The following WDR62 variants were observed in gnomAD, a reference collection of about 807,000 sequenced individuals.
The protein encoded by WDR62 is WD repeat domain 62, also known as WD repeat-containing protein 62.
A neutral mutation model predicts 160.6 loss-of-function variants in WDR62; 112 were observed. The ratio of observed to expected loss-of-function variants is 0.70; its 90% CI spans 0.60 to 0.82. The LOEUF (loss-of-function observed/expected upper bound fraction) is 0.82, where lower values mean the gene tolerates loss of function less well. WDR62 is among the 40% of genes least tolerant of loss of function. WDR62 has a pLI of 0.00. For missense variants in WDR62, 1,819 were observed against 1,983.8 expected (o/e 0.92, Z 1.58); for synonymous variants, 792 against 815.1 (o/e 0.97, Z 0.48).
intron 7 of WDR62, among the ~76,000 whole-genome samples, chr19:36,068,417 CA>C (rs1307338922): frequency 1.3e-5 from 2 of 151,888 alleles, no homozygotes; most frequent in African/African-American, 2.4e-5. Context: ...GGGGGTTTGG[CA>C]GGGTCTTAGG....
chr19:36,085,748 T>C (rs1972187532), intron 12 of WDR62, among the ~76,000 whole-genome samples: 1 of 152,078 alleles, frequency 6.6e-6, no homozygotes, highest in African/African-American at 2.4e-5. Flanking sequence ...GATGAGATCA[T>C]GAGATAGGAG....
In WDR62 at chr19:36,055,291, G is replaced by C. The variant is rs1970299962; in HGVS notation, c.177+143G>C. On this transcript the variant is annotated intron_variant, in intron 1 of 31. Coordinates refer to ENST00000401500, the MANE Select transcript of WDR62 (RefSeq NM_001083961.2). ...TGCCATGCCTCGTCCCCTAACCCCC[G>C]CCCCTTTAGCCACGGCCCCTCCCAC... The C allele has an allele frequency of 3.7e-6, 3 of 804,678 alleles. No homozygotes were observed. The Admixed American group carries it at 7.4e-5, about 20-fold the overall frequency. 49.8% of individuals were successfully genotyped at this position (804,678 alleles called of 1,614,324 possible). A position where few individuals can be genotyped will look rare whatever the true frequency, so the allele number is the denominator to read the frequency against.
chr19:36,064,655 G>A (rs1046440922), intron 3 of WDR62, among the ~76,000 whole-genome samples: 1 of 151,942 alleles, frequency 6.6e-6, no homozygotes, highest in Non-Finnish European at 1.5e-5. Context: ...TTGGCTTGCT[G>A]CAACCTCTGC....
intron 20 of WDR62, 127 bp from the exon 21 acceptor site, chr19:36,096,900 C>T (rs1016599770): frequency 4.1e-5 from 34 of 820,230 alleles, no homozygotes; most frequent in Non-Finnish European, 6.9e-5. Context: ...ATTTCCCTAA[C>T]CCCCGGTGCT....
intron 20 of WDR62, among the ~76,000 whole-genome samples, chr19:36,096,480 C>T (rs535465461): frequency 7.2e-5 from 11 of 151,980 alleles, no homozygotes; most frequent in East Asian, 3.9e-4. Context: ...CCGAGGCGAG[C>T]GGATCACGAG....
intron 3 of WDR62, among the ~76,000 whole-genome samples, chr19:36,065,365 G>C (rs1437344325): frequency 6.6e-6 from 1 of 152,252 alleles, no homozygotes; most frequent in Non-Finnish European, 1.5e-5. Flanking sequence ...GATTAAAAGA[G>C]AGAAGGGAGT....
At position 36,066,013 on chromosome 19, in the gene WDR62, G is replaced by A. The variant is rs1970916945; in HGVS notation, c.388G>A (p.Glu130Lys). The part of the protein sequence containing the change: ...SPDGKYIVTG[E>K]NGHRPAVRIW... ...TGATGGGAAGTACATAGTGACAGGGGAGGTGAGTCGTGATCGTGACTGAGT... is the reference window on the plus strand; with the variant it reads ...TGATGGGAAGTACATAGTGACAGGGAAGGTGAGTCGTGATCGTGACTGAGT... Residue 130 changes from glutamate to lysine, a missense_variant and splice_region_variant, in exon 4 of 32, where the codon GAG becomes AAG. Physicochemically the swap from Glu to Lys is moderately conservative, Grantham distance 56 (BLOSUM62 1). Around this residue, in one of 3 missense-constraint regions of WDR62, gnomAD observed 934 missense variants for 1,157.2 expected, o/e 0.81. Coordinates refer to ENST00000401500, the MANE Select transcript of WDR62 (RefSeq NM_001083961.2). The A allele has an allele frequency of 1.2e-6, 2 of 1,614,166 alleles. No individual in the cohort carries two copies. The highest frequency in any genetic ancestry group is 1.3e-5 in the African/African-American group (1 of 75,072).
At chr19:36,058,952 T>C (rs2145518606) in intron 2 of WDR62, 81 bp downstream of exon 2, 1 of 1,179,156 alleles carries the variant, frequency 8.5e-7, no homozygotes, top group Non-Finnish European at 1.2e-6. Flanking sequence ...TAAATCGCTC[T>C]GAGCCTCATA....
rs1251988146 is a variant in WDR62, at chr19:36,102,120, C to A, written c.3189C>A (p.His1063Gln). 2 of 1,614,150 alleles carry A rather than the reference C, an allele frequency of 1.2e-6. No individual in the cohort carries two copies. Among genetic ancestry groups the A allele is most frequent in the Admixed American group, 3.3e-5 (2 of 60,032 alleles). Residue 1063 changes from histidine to glutamine, a missense_variant, in exon 26 of 32, where the codon CAC becomes CAA. His to Gln is a conservative substitution (Grantham distance 24, BLOSUM62 0). Around this residue, in one of 3 missense-constraint regions of WDR62, gnomAD observed 770 missense variants for 734.2 expected, o/e 1.05. Transcript: ENST00000401500. ...TPEQEKFLRH[H>Q]FETLTESPCR... The stretch of plus-strand genomic sequence containing the variant: ...AGCAGGAGAAGTTCCTCCGCCACCA[C>A]TTTGAGACACTGACTGAGTCCCCCT...
intron 21 of WDR62, among the ~76,000 whole-genome samples, chr19:36,098,778 A>G (rs796206938): frequency 9.7e-4 from 148 of 152,296 alleles, no homozygotes; most frequent in African/African-American, 3.5e-3. Context: ...AATGTAGAGC[A>G]GTCACATGTG....
chr19:36,099,416 G>A lies in WDR62; in HGVS notation c.2538G>A (p.Val846=), dbSNP rs776090699. Residue 846 remains valine (V), a synonymous_variant, in exon 22 of 32, where the codon GTG becomes GTA. Transcript: ENST00000401500. ...CCTTCAAGCTAGGGGACGATGATGT[G>A]GCAGATGGCTTGGCCTTCCACGCCA... The part of the protein sequence containing the change: ...WAKRLLGDDD[V]ADGLAFHAKR... 3 of 1,613,500 alleles carry A rather than the reference G, an allele frequency of 1.9e-6. No individual in the cohort carries two copies. Among genetic ancestry groups the A allele is most frequent in the Admixed American group, 1.7e-5 (1 of 60,002 alleles).
chr19:36,062,384 C>T (rs180970549), intron 3 of WDR62: 8 of 152,140 alleles, frequency 5.3e-5, no homozygotes, highest in South Asian at 2.1e-4. Flanking sequence ...TGGTGATTCA[C>T]GCCTGTAATC....
At chr19:36,070,100 CT>C (rs1023544916) in intron 7 of WDR62, 45 of 151,314 alleles carry the variant, frequency 3.0e-4, no homozygotes, top group African/African-American at 9.7e-4. Context: ...GATTTAATAA[CT>C]TTTCAGTCAA....
At position 36,103,822 on chromosome 19, in the gene WDR62, G is replaced by C. The variant is rs1280568799; in HGVS notation, c.3994G>C (p.Val1332Leu). Residue 1332 changes from valine to leucine, a missense_variant, in exon 30 of 32, where the codon GTG becomes CTG. Transcript: ENST00000401500. ...AGTGAGCTTCCCAGCCCCTAGCCCT[G>C]TGGAAGAGAGCGCCCTGAGGCTCCA... ...PAVSFPAPSP[V>L]EESALRLHGS... 1 of 1,607,104 alleles carries C rather than the reference G, an allele frequency of 6.2e-7. No individual in the cohort carries two copies. Among genetic ancestry groups the C allele is most frequent in the African/African-American group, 1.3e-5 (1 of 74,892 alleles).
At position 36,084,666 on chromosome 19, in the gene WDR62, C is replaced by T. The variant is rs1189896433; in HGVS notation, c.1564C>T (p.His522Tyr). The change falls in exon 12 of 32, where the codon CAC becomes TAC. Residue 522 changes from histidine to tyrosine, a missense_variant. His to Tyr is a moderately conservative substitution (Grantham distance 83, BLOSUM62 2). Around this residue, in one of 3 missense-constraint regions of WDR62, gnomAD observed 934 missense variants for 1,157.2 expected, o/e 0.81. Coordinates refer to ENST00000401500, the MANE Select transcript of WDR62 (RefSeq NM_001083961.2). ...RSGNLRIHEL[H>Y]FMDELVKVEA... ...TGTGTCTCCCAGGATCCACGAGCTG[C>T]ACTTCATGGACGAGCTGGTCAAGGT... 1 of 1,613,868 alleles carries T rather than the reference C, an allele frequency of 6.2e-7. No homozygotes were observed.
intron 13 of WDR62, 81 bp from the exon 14 acceptor site, chr19:36,088,957 T>C: frequency 6.7e-7 from 1 of 1,490,680 alleles, no homozygotes; most frequent in Non-Finnish European, 9.3e-7. Flanking sequence ...GATTGATGGC[T>C]CTTGCAGTGG....
chr19:36,093,533 G>GGCAATGTTTTGCCATT lies in WDR62; in HGVS notation c.2334-496_2334-495insAATGTTTTGCCATTGC, dbSNP rs1555720745. Reference sequence around the variant, plus strand: ...TCTGTTTTTGCCATTGGCTCCATGTGGCTCCCAGGGCAATGTGGAGACCAG... The same window carrying GGCAATGTTTTGCCATT: ...TCTGTTTTTGCCATTGGCTCCATGTGGCAATGTTTTGCCATTGCTCCCAGGGCAATGTGGAGACCAG... On this transcript the variant is annotated intron_variant, in intron 19 of 31. Transcript: ENST00000401500. Among the ~76,000 whole-genome samples the GGCAATGTTTTGCCATT allele has an allele frequency of 7.0e-4, 107 of 152,222 alleles. 2 individuals are homozygous for GGCAATGTTTTGCCATT. In the East Asian group the frequency reaches 0.015, roughly 22 times the overall value.
Position 36,058,881 on chromosome 19 carries a change from TA to T in WDR62, c.269+12del, listed in dbSNP as rs797046108. 12,596 of 1,610,434 alleles carry T rather than the reference TA, an allele frequency of 7.8e-3. 140 individuals carry two copies. Among genetic ancestry groups the T allele is most frequent in the South Asian group, 0.04 (3,650 of 90,970 alleles). Reference sequence around the variant, plus strand: ...TGGCCTACCTGGCAGGGTAAGCAGATAAGGGCCTCGACGTCTAATCATTGCT... The same window carrying T: ...TGGCCTACCTGGCAGGGTAAGCAGATAGGGCCTCGACGTCTAATCATTGCT... On this transcript the variant is annotated intron_variant, in intron 2 of 31. Transcript: ENST00000401500.
intron 9 of WDR62, among the ~76,000 whole-genome samples, chr19:36,076,768 C>G (rs1599781471): frequency 6.6e-6 from 1 of 152,032 alleles, no homozygotes; most frequent in East Asian, 1.9e-4. Context: ...ATGCAACAGT[C>G]TGAGAATGGA....
Sources: gnomAD v4.1 joint callset for allele counts (sites outside exome capture counted in the v4.1 genomes callset) on GRCh38, gnomAD v4.1.1 for gene constraint, gnomAD v4.1.1 regional missense constraint, MANE v1.5 for transcripts, NCBI Gene and HGNC (gene_info 2026-07-23, HGNC 2026-07-21) for gene names.